The following KRT19 variants were observed in gnomAD, a reference collection of about 807,000 sequenced individuals.
KRT19 encodes the protein keratin, type I cytoskeletal 19.
KRT19 carries 21 observed loss-of-function variants against 34.6 expected under a neutral mutation model. That is an observed-to-expected ratio of 0.61 (90% CI 0.43 to 0.87). The LOEUF is 0.87. Ranked by LOEUF, KRT19 falls within the 40% of genes least tolerant of loss-of-function variation. KRT19 has a pLI of 0.00. For missense variants in KRT19, 514 were observed against 545.7 expected (o/e 0.94, Z 0.58); for synonymous variants, 240 against 245.8 (o/e 0.98, Z 0.22).
chr17:41,525,042 A>G, intron 2 of KRT19, 43 bp from the exon 3 acceptor site: 3 of 1,607,178 alleles, frequency 1.9e-6, no homozygotes, highest in Non-Finnish European at 1.7e-6. Context: ...CTTCCTCAGC[A>G]TCTCTGAAGA....
At chr17:41,526,547 A>T (rs1453781804) in intron 1 of KRT19, among the ~76,000 whole-genome samples, 1 of 135,882 alleles carries the variant, frequency 7.4e-6, no homozygotes, top group Non-Finnish European at 1.5e-5. Flanking sequence ...ACACGCCACC[A>T]TGCCAAGCTA....
rs751620624 is a variant in KRT19 at position 41,528,137 on chromosome 17, G to T, written c.111C>A (p.His37Gln). The T allele has an allele frequency of 7.5e-6, 12 of 1,603,246 alleles. No individual in the cohort carries two copies. In the South Asian group the frequency reaches 1.3e-4, roughly 18 times the overall value. Residue 37 changes from histidine (H) to glutamine (Q), a missense_variant, in exon 1 of 6, where the codon CAC becomes CAA. His to Gln is a conservative substitution (Grantham distance 24). Coordinates refer to ENST00000361566, the MANE Select transcript of KRT19 (RefSeq NM_002276.5). ...ATACGCCGCGGCCGCCGGAGCCCCC[G>T]TGAATGCTGGGCGCGCGAAAGGCGA... ...PGVAFRAPSI[H>Q]GGSGGRGVSV...
chr17:41,524,977 G>C lies in KRT19; in HGVS notation c.526C>G (p.Arg176Gly), dbSNP rs370785126. Residue 176 changes from arginine to glycine, a missense_variant, in exon 3 of 6, where the codon CGC becomes GGC. Coordinates refer to ENST00000361566, the MANE Select transcript of KRT19 (RefSeq NM_002276.5). ...TTGATGTCGGCCTCCACGCTCATGC[G>C]CAGAGCCTGTTCCGTCTCAAACCTT... ...RTKFETEQAL[R>G]MSVEADINGL... 1.2e-6 allele frequency: 2 copies of C among 1,614,156 alleles called. No homozygotes were observed. Among genetic ancestry groups the C allele is most frequent in the Non-Finnish European group, 1.7e-6 (2 of 1,179,974 alleles).
At position 41,524,475 on chromosome 17, in the gene KRT19, G is replaced by A; in HGVS notation, c.726C>T (p.Gly242=). 1 of 1,614,124 alleles carries A rather than the reference G, an allele frequency of 6.2e-7. No homozygotes were observed. Among genetic ancestry groups the A allele is most frequent in the Non-Finnish European group, 8.5e-7 (1 of 1,180,014 alleles). ...CACTCAGGATCTTGGCGAGATCGGT[G>A]CCCGGAGCGGAATCCACCTCCACAC... ...QVSVEVDSAP[G]TDLAKILSDM... is the part of the protein sequence containing the mutation. The change falls in exon 4 of 6, where the codon GGC becomes GGT. Residue 242 remains glycine, a synonymous_variant. Coordinates refer to ENST00000361566, the MANE Select transcript of KRT19 (RefSeq NM_002276.5).
rs374942154 is a variant in KRT19 at position 41,525,021 on chromosome 17, G to A, written c.504-22C>T. ...AAACCTTTCAAAGGAAATAGTTGCA[G>A]CCAGGCAGAGCTTCCTCAGCATCTC... On this transcript the variant is annotated intron_variant, in intron 2 of 5. Transcript: ENST00000361566. 5 of 1,610,460 alleles carry A rather than the reference G, an allele frequency of 3.1e-6. No homozygotes were observed. The African/African-American group carries it at 4.0e-5, about 13-fold the overall frequency.
Position 41,524,429 on chromosome 17 carries a change from C to A in KRT19, c.772G>T (p.Val258Phe). The A allele has an allele frequency of 3.1e-6, 5 of 1,614,214 alleles. No homozygotes were observed. The highest frequency in any genetic ancestry group is 4.2e-6 in the Non-Finnish European group (5 of 1,180,038). Residue 258 changes from valine to phenylalanine, a missense_variant, in exon 4 of 6, where the codon GTC becomes TTC. Transcript: ENST00000361566. The stretch of plus-strand genomic sequence containing the variant: ...TCCTTCCGGTTCTGCTCGGCCATGA[C>A]CTCATATTGGCTTCGCATGTCACTC... ...ILSDMRSQYE[V>F]MAEQNRKDAE...
intron 2 of KRT19, 24 bp from the exon 3 acceptor site, chr17:41,525,023 C>A: frequency 6.2e-7 from 1 of 1,610,556 alleles, no homozygotes; most frequent in Non-Finnish European, 8.5e-7. Flanking sequence ...TAGTTGCAGC[C>A]AGGCAGAGCT....
Position 41,523,794 on chromosome 17 carries a change from G to A in KRT19, c.1152C>T (p.Leu384=), listed in dbSNP as rs755423543. The A allele has an allele frequency of 1.8e-5, 29 of 1,613,712 alleles. No individual in the cohort carries two copies. Among genetic ancestry groups the A allele is most frequent in the South Asian group, 1.8e-4 (16 of 91,068 alleles). The part of the protein sequence containing the change: ...EQEIATYRSL[L]EGQEDHYNNL... ...TGTTGTAGTGATCTTCCTGTCCCTC[G>A]AGCAGGCTGCGGTAGGTGGCAATCT... Residue 384 remains leucine, a synonymous_variant, in exon 6 of 6, where the codon CTC becomes CTT. Coordinates refer to ENST00000361566, the MANE Select transcript of KRT19 (RefSeq NM_002276.5).
intron 1 of KRT19, among the ~76,000 whole-genome samples, chr17:41,526,224 T>A (rs1905855822): frequency 6.6e-6 from 1 of 152,124 alleles, no homozygotes; most frequent in Admixed American, 6.5e-5. Flanking sequence ...TCCGCCCGCC[T>A]CCGCCTCCCA....
At chr17:41,526,446 G>A (rs1004374120) in intron 1 of KRT19, among the ~76,000 whole-genome samples, 3 of 96,164 alleles carry the variant, frequency 3.1e-5, no homozygotes, top group Non-Finnish European at 6.2e-5. Context: ...ACTTATTGTC[G>A]CAATTTTTTT....
intron 4 of KRT19, 46 bp downstream of exon 4, chr17:41,524,333 C>T: frequency 6.2e-7 from 1 of 1,611,684 alleles, no homozygotes; most frequent in Non-Finnish European, 8.5e-7. Flanking sequence ...AACACAAAGC[C>T]CTCCCCTTCC....
rs768635284 is a variant in KRT19, at chr17:41,523,977, T to C, written c.969A>G (p.Thr323=). 9.9e-6 allele frequency: 16 copies of C among 1,611,804 alleles called. No homozygotes were observed. The highest frequency in any genetic ancestry group is 1.2e-5 in the Non-Finnish European group (14 of 1,178,242). ...QLSMKAALED[T]LAETEARFGA... The stretch of plus-strand genomic sequence containing the variant: ...CAAAGCGCGCCTCCGTTTCTGCCAG[T>C]GTGTCTTCCAAGGCAGCTTTCTGAG... The change falls in exon 6 of 6, where the codon ACA becomes ACG. Residue 323 remains threonine, a synonymous_variant. Coordinates refer to ENST00000361566, the MANE Select transcript of KRT19 (RefSeq NM_002276.5).
In KRT19 at chr17:41,523,981, T is replaced by A; in HGVS notation, c.965A>T (p.Asp322Val). Reference sequence around the variant, plus strand: ...GCGCGCCTCCGTTTCTGCCAGTGTGTCTTCCAAGGCAGCTTTCTGAGGATA... The same window carrying A: ...GCGCGCCTCCGTTTCTGCCAGTGTGACTTCCAAGGCAGCTTTCTGAGGATA... ...SQLSMKAALE[D>V]TLAETEARFG... The change falls in exon 6 of 6, where the codon GAC becomes GTC. Residue 322 changes from aspartate to valine, a missense_variant. Asp to Val is a radical substitution (Grantham distance 152). Transcript: ENST00000361566. 1 of 1,611,504 alleles carries A rather than the reference T, an allele frequency of 6.2e-7. No individual in the cohort carries two copies. Among genetic ancestry groups the A allele is most frequent in the South Asian group, 1.1e-5 (1 of 91,066 alleles).
chr17:41,527,720 G>T, intron 1 of KRT19, 108 bp downstream of exon 1: 1 of 1,250,794 alleles, frequency 8.0e-7, no homozygotes, highest in Non-Finnish European at 1.1e-6. Context: ...ACCTTCCCAC[G>T]TCCTAACGGG....
Position 41,527,836 on chromosome 17 carries a change from G to T in KRT19, c.412C>A (p.Arg138=). The part of the protein sequence containing the change: ...SHYYTTIQDL[R]DKILGATIEN... ...GCCGGGCCTCCGCCCACCTTGTCCC[G>T]CAGGTCCTGGATGGTCGTGTAGTAG... The change falls in exon 1 of 6, where the codon CGG becomes AGG. Residue 138 remains arginine (R), a synonymous_variant. Coordinates refer to ENST00000361566, the MANE Select transcript of KRT19 (RefSeq NM_002276.5). The T allele has an allele frequency of 1.3e-6, 2 of 1,584,586 alleles. No homozygotes were observed. Among genetic ancestry groups the T allele is most frequent in the Non-Finnish European group, 1.7e-6 (2 of 1,162,730 alleles).
Position 41,524,125 on chromosome 17 carries a change from C to T in KRT19, c.948+18G>A, listed in dbSNP as rs767898517. ...TGTGAATTGCACAGGGAAGCGGCGG[C>T]GGTGGGGGGACACATACCATGCTCA... On this transcript the variant is annotated intron_variant, in intron 5 of 5. Transcript: ENST00000361566. 27 of 1,605,884 alleles carry T rather than the reference C, an allele frequency of 1.7e-5. No individual in the cohort carries two copies. The highest frequency in any genetic ancestry group is 5.5e-5 in the South Asian group (5 of 90,380).
rs367943772 is a variant in KRT19 at position 41,523,853 on chromosome 17, G to A, written c.1093C>T (p.Arg365Trp). 34 of 1,614,022 alleles carry A rather than the reference G, an allele frequency of 2.1e-5. No individual in the cohort carries two copies. The highest frequency in any genetic ancestry group is 2.5e-5 in the Non-Finnish European group (30 of 1,180,022). The stretch of plus-strand genomic sequence containing the variant: ...AGCCGCGACTTGATGTCCATGAGCC[G>A]CTGGTACTCCTGATTCTGCCGCTCA... Reference protein sequence around the residue: ...DSERQNQEYQRLMDIKSRLEQ... With the variant: ...DSERQNQEYQWLMDIKSRLEQ... Residue 365 changes from arginine (R) to tryptophan (W), a missense_variant, in exon 6 of 6, where the codon CGG becomes TGG. Physicochemically the swap from Arg to Trp is moderately radical, Grantham distance 101. Coordinates refer to ENST00000361566, the MANE Select transcript of KRT19 (RefSeq NM_002276.5).
rs376409502 is a variant in KRT19 at position 41,524,463 on chromosome 17, G to C, written c.738C>G (p.Ala246=). Residue 246 remains alanine (A), a synonymous_variant, in exon 4 of 6, where the codon GCC becomes GCG. Coordinates refer to ENST00000361566, the MANE Select transcript of KRT19 (RefSeq NM_002276.5). The stretch of plus-strand genomic sequence containing the variant: ...GGCTTCGCATGTCACTCAGGATCTT[G>C]GCGAGATCGGTGCCCGGAGCGGAAT... ...EVDSAPGTDL[A]KILSDMRSQY... The C allele has an allele frequency of 2.0e-5, 32 of 1,614,042 alleles. No individual in the cohort carries two copies. Among genetic ancestry groups the C allele is most frequent in the Non-Finnish European group, 2.6e-5 (31 of 1,180,052 alleles).
intron 3 of KRT19, 58 bp from the exon 4 acceptor site, chr17:41,524,598 C>A (rs1420245874): frequency 3.2e-6 from 5 of 1,581,720 alleles, no homozygotes; most frequent in Non-Finnish European, 4.3e-6. Context: ...GGGCCTGGCC[C>A]AGGTCACTTC....
Sources: allele counts gnomAD v4.1 joint callset (sites outside exome capture counted in the v4.1 genomes callset), GRCh38; gene constraint gnomAD v4.1.1; transcripts MANE v1.5; gene names NCBI Gene and HGNC (gene_info 2026-07-23, HGNC 2026-07-21).